The following HNF4G variants were observed in gnomAD, a reference collection of about 807,000 sequenced individuals.
HNF4G encodes the protein hepatocyte nuclear factor 4 gamma.
A neutral mutation model predicts 50.9 loss-of-function variants in HNF4G; 21 were observed. The observed-to-expected ratio is 0.41, with a 90% confidence interval of 0.29 to 0.59. The LOEUF (loss-of-function observed/expected upper bound fraction) is 0.59. Among genes scored for constraint, HNF4G ranks in the 20% least tolerant of loss-of-function variants. HNF4G has a pLI of 0.26. For missense variants in HNF4G, 527 were observed against 559.4 expected, an observed-to-expected ratio of 0.94 and a Z score of 0.58; for synonymous variants, 198 against 185.6, an observed-to-expected ratio of 1.07 and a Z score of -0.54.
chr8:75,548,216 C>A (rs763759074), intron 3 of HNF4G, among the ~76,000 whole-genome samples: 40 of 152,108 alleles, frequency 2.6e-4, no homozygotes, highest in Middle Eastern at 3.4e-3. Flanking sequence ...AACTCCTGAC[C>A]TCAAGTAATC....
At chr8:75,424,116 C>T (rs1165748185) in intron 1 of HNF4G, among the ~76,000 whole-genome samples, 1 of 151,996 alleles carries the variant, frequency 6.6e-6, no homozygotes, top group Non-Finnish European at 1.5e-5. Flanking sequence ...CCACCGCACC[C>T]GGCCCTGTCC....
intron 1 of HNF4G, among the ~76,000 whole-genome samples, chr8:75,437,530 T>C (rs1002456737): frequency 6.6e-6 from 1 of 152,150 alleles, no homozygotes; most frequent in Non-Finnish European, 1.5e-5. Flanking sequence ...AAAGGAAGAA[T>C]GTTTTTTAAA....
chr8:75,540,204 A>C (rs1201193178), intron 1 of HNF4G, 124 bp downstream of exon 1: 1 of 606,820 alleles, frequency 1.6e-6, no homozygotes, highest in African/African-American at 1.9e-5. Flanking sequence ...CTTGCTTTTA[A>C]GGCCACAGAT....
chr8:75,504,700 C>G (rs1813030054), intron 2 of HNF4G, among the ~76,000 whole-genome samples: 1 of 151,888 alleles, frequency 6.6e-6, no homozygotes, highest in African/African-American at 2.4e-5. Flanking sequence ...TTTATATTTC[C>G]CTTTGTCTAA....
At chr8:75,530,481 A>G (rs1333191201) in intron 2 of HNF4G, among the ~76,000 whole-genome samples, 1 of 152,158 alleles carries the variant, frequency 6.6e-6, no homozygotes, top group African/African-American at 2.4e-5. Context: ...GAAAGGAAAT[A>G]TAAGTAGAAC....
intron 1 of HNF4G, among the ~76,000 whole-genome samples, chr8:75,484,080 T>C (rs1457622006): frequency 6.6e-6 from 1 of 152,224 alleles, no homozygotes; most frequent in Non-Finnish European, 1.5e-5. Context: ...TTTATTGTTT[T>C]AATGAAAGAA....
chr8:75,530,715 A>G (rs1806304775), intron 2 of HNF4G, among the ~76,000 whole-genome samples: 1 of 152,052 alleles, frequency 6.6e-6, no homozygotes, highest in African/African-American at 2.4e-5. Context: ...TATCTGAACA[A>G]GAGCAAAGCT....
rs931915730 is a variant in HNF4G, at chr8:75,534,213, C to T, written c.-23-9598C>T. Among the ~76,000 whole-genome samples, 33 of 151,808 alleles carry T rather than the reference C, an allele frequency of 2.2e-4. 2 individuals are homozygous for T. Among genetic ancestry groups the T allele is most frequent in the Admixed American group, 1.8e-3 (27 of 15,232 alleles). On this transcript the variant is annotated intron_variant, in intron 2 of 10. Coordinates refer to the HNF4G transcript ENST00000354370. ...ACAATGATAATACCCATTGTAAAAA[C>T]GAAATGCAGAAATAGTGACTGTCAA...
chr8:75,537,290 C>A (rs1045204094), upstream of HNF4G, among the ~76,000 whole-genome samples: 17 of 152,244 alleles, frequency 1.1e-4, no homozygotes, highest in African/African-American at 4.1e-4. Context: ...GTCCTCCTGG[C>A]TGGACTGCAG....
intron 1 of HNF4G, among the ~76,000 whole-genome samples, chr8:75,444,548 GAC>G (rs1246710092): frequency 8.3e-6 from 1 of 120,396 alleles, no homozygotes; most frequent in Non-Finnish European, 1.7e-5. Context: ...CACGTGCAGA[GAC>G]ACACATAGGC....
intron 2 of HNF4G, among the ~76,000 whole-genome samples, chr8:75,517,736 T>C (rs1291952366): frequency 4.9e-4 from 74 of 152,132 alleles, no homozygotes; most frequent in Non-Finnish European, 1.0e-4. Context: ...TTCTGCGGCT[T>C]TTCCAGGTGC....
chr8:75,424,754 GTA>G (rs141835367), intron 1 of HNF4G, among the ~76,000 whole-genome samples: 1 of 151,950 alleles, frequency 6.6e-6, no homozygotes, highest in East Asian at 1.9e-4. Context: ...GTATTCCATG[GTA>G]TATATATATG....
chr8:75,479,052 G>A (rs1812310710), intron 1 of HNF4G, among the ~76,000 whole-genome samples: 1 of 152,092 alleles, frequency 6.6e-6, no homozygotes, highest in Non-Finnish European at 1.5e-5. Context: ...GATATGAAAG[G>A]GCTTGAAAAA....
At chr8:75,527,423 A>C (rs1431616942) in intron 2 of HNF4G, among the ~76,000 whole-genome samples, 1 of 152,194 alleles carries the variant, frequency 6.6e-6, no homozygotes, top group Non-Finnish European at 1.5e-5. Flanking sequence ...GCATAGCCCT[A>C]TTTCTCCTAG....
intron 1 of HNF4G, among the ~76,000 whole-genome samples, chr8:75,425,738 CTGT>C (rs1810877974): frequency 6.6e-6 from 1 of 151,750 alleles, no homozygotes; most frequent in Non-Finnish European, 1.5e-5. Flanking sequence ...GTGTATTTTT[CTGT>C]TGTTCTCTGG....
At chr8:75,467,488 T>G (rs1290784286) in intron 1 of HNF4G, among the ~76,000 whole-genome samples, 1 of 152,096 alleles carries the variant, frequency 6.6e-6, no homozygotes, top group Non-Finnish European at 1.5e-5. Context: ...GGTGAAACCC[T>G]GTCTCTACTA....
At position 75,560,582 on chromosome 8, in the gene HNF4G, C is replaced by T. The variant is rs1807282489; in HGVS notation, c.1246+116C>T. ...ATGGCAAAAACTTGGTGTAATTTCCCATCTGAGACTCAGCAGTAGAAGACT... is the reference window on the plus strand; with the variant it reads ...ATGGCAAAAACTTGGTGTAATTTCCTATCTGAGACTCAGCAGTAGAAGACT... On this transcript the variant is annotated intron_variant, in intron 9 of 9. Transcript: ENST00000396423. 4.8e-6 allele frequency: 4 copies of T among 836,470 alleles called. No individual in the cohort carries two copies. The Admixed American group carries it at 9.7e-5, about 20-fold the overall frequency. The allele number at this position is 836,470 out of a possible 1,614,324, so 51.8% of individuals were successfully genotyped here. A position where few individuals can be genotyped will look rare whatever the true frequency, so the allele number is the denominator to read the frequency against.
intron 3 of HNF4G, among the ~76,000 whole-genome samples, chr8:75,550,534 T>A (rs1376035454): frequency 1.3e-5 from 2 of 152,082 alleles, no homozygotes; most frequent in East Asian, 3.9e-4. Context: ...GTTGGTCTCG[T>A]ACTTTTGACC....
intron 1 of HNF4G, among the ~76,000 whole-genome samples, chr8:75,481,618 A>G (rs759630907): frequency 2.0e-5 from 3 of 152,162 alleles, no homozygotes; most frequent in Non-Finnish European, 2.9e-5. Flanking sequence ...AATAGAAGAT[A>G]ACGGTGGGAC....
Sources: allele counts gnomAD v4.1 joint callset (sites outside exome capture counted in the v4.1 genomes callset), GRCh38; gene constraint gnomAD v4.1.1; transcripts MANE v1.5; gene names NCBI Gene and HGNC (gene_info 2026-07-23, HGNC 2026-07-21).